Variants in DUOX2 observed in about 807,000 individuals in gnomAD.
The protein encoded by DUOX2 is NADH/NADPH thyroid oxidase p138-tox.
In DUOX2, 185 loss-of-function variants were observed where a neutral mutation model predicts 183.3. That is an observed-to-expected ratio of 1.01 (90% CI 0.90 to 1.14). The LOEUF is 1.14. Among genes scored for constraint, DUOX2 ranks in the 50% most tolerant of loss-of-function variants. The pLI is 0.00. For missense variants in DUOX2, 1,999 were observed against 2,022.9 expected, an observed-to-expected ratio of 0.99 and a Z score of 0.23; for synonymous variants, 788 against 812.4, an observed-to-expected ratio of 0.97 and a Z score of 0.51.
At chr15:45,110,148 C>T (rs554713254) in intron 9 of DUOX2, among the ~76,000 whole-genome samples, 168 bp from the exon 10 acceptor site, 15 of 152,196 alleles carry the variant, frequency 9.9e-5, no homozygotes, top group African/African-American at 3.1e-4. Flanking sequence ...AGATAGAGTG[C>T]GCTCCTAGTC....
chr15:45,107,269 A>T (rs190599), intron 14 of DUOX2, 76 bp downstream of exon 14: 1 of 1,575,116 alleles, frequency 6.3e-7, no homozygotes, highest in Non-Finnish European at 8.7e-7. Context: ...GACAGCACCA[A>T]GTGATTCCCC....
At chr15:45,098,652 G>T (rs945894722) in intron 26 of DUOX2, among the ~76,000 whole-genome samples, 1 of 151,700 alleles carries the variant, frequency 6.6e-6, no homozygotes, top group African/African-American at 2.4e-5. Flanking sequence ...TCCCCCAGGG[G>T]ACTAGCTTAG....
At position 45,094,263 on chromosome 15, in the gene DUOX2, T is replaced by C; in HGVS notation, c.4534A>G (p.Ile1512Val). 6.2e-7 allele frequency: 1 copy of C among 1,614,106 alleles called. No homozygotes were observed. The change falls in exon 34 of 34, where the codon ATC becomes GTC. Residue 1512 changes from isoleucine to valine, a missense_variant. Ile to Val is a conservative substitution (Grantham distance 29). Around this residue, in one of 3 missense-constraint regions of DUOX2, gnomAD observed 1,628 missense variants for 1,608.6 expected, o/e 1.01. Coordinates refer to ENST00000389039, the MANE Select transcript of DUOX2 (RefSeq NM_001363711.2). ...GGAGGGCCGCAGCTGAACACCCCGA[T>C]CTTGCGCACCTGTCAGGAGATTGGA... ...LQEVHPQVRK[I>V]GVFSCGPPGM... is the part of the protein sequence containing the mutation.
At chr15:45,098,239 A>G (rs1893961083) in intron 26 of DUOX2, among the ~76,000 whole-genome samples, 181 bp from the exon 27 acceptor site, 1 of 152,072 alleles carries the variant, frequency 6.6e-6, no homozygotes, top group Non-Finnish European at 1.5e-5. Context: ...CACCCTCTGT[A>G]CTCAGCAATT....
At position 45,095,109 on chromosome 15, in the gene DUOX2, G is replaced by A. The variant is rs755550994; in HGVS notation, c.4240-18C>T. ...AAGTAGATCTGGGGACACAGGGCTG[G>A]AGATCAGGACCCAGCTCAGTTCAGC... On this transcript the variant is annotated intron_variant, in intron 31 of 33. Coordinates refer to ENST00000389039, the MANE Select transcript of DUOX2 (RefSeq NM_001363711.2). 25 of 1,611,482 alleles carry A rather than the reference G, an allele frequency of 1.6e-5. No individual in the cohort carries two copies. Among genetic ancestry groups the A allele is most frequent in the African/African-American group, 6.7e-5 (5 of 74,860 alleles).
intron 3 of DUOX2, 107 bp downstream of exon 3, chr15:45,112,880 G>A: frequency 6.5e-7 from 1 of 1,546,222 alleles, no homozygotes. Flanking sequence ...TGTGTAGGCA[G>A]CGGAGCTGCT....
In DUOX2 at chr15:45,095,064, G is replaced by C. The variant is rs1183633552; in HGVS notation, c.4267C>G (p.Gln1423Glu). 6.2e-7 allele frequency: 1 copy of C among 1,614,048 alleles called. No individual in the cohort carries two copies. Among genetic ancestry groups the C allele is most frequent in the Non-Finnish European group, 8.5e-7 (1 of 1,180,006 alleles). ...TCAGCCAGCCACTCAAACTGACGCT[G>C]GGTCCGTGTCACCCAGATGAAGTAG... ...KIYFIWVTRT[Q>E]RQFEWLADII... The change falls in exon 32 of 34, where the codon CAG becomes GAG. Residue 1423 changes from glutamine to glutamate, a missense_variant. Gln to Glu is a conservative substitution (Grantham distance 29). This residue lies in a region of DUOX2 where 1,628 missense variants were observed against 1,608.6 expected (regional missense o/e 1.01). Transcript: ENST00000389039.
chr15:45,106,986 G>A lies in DUOX2; in HGVS notation c.1694-17C>T. On this transcript the variant is annotated splice_polypyrimidine_tract_variant and intron_variant, in intron 14 of 33. Transcript: ENST00000389039. ...AGGGTGCACCTGAGGGAGAGGGCAG[G>A]GAAGACCTCAAAGTCTGAGGATCCC... The A allele has an allele frequency of 7.7e-6, 12 of 1,568,214 alleles. No homozygotes were observed. The highest frequency in any genetic ancestry group is 1.0e-5 in the Non-Finnish European group (12 of 1,155,910).
rs751383345 is a variant in DUOX2, at chr15:45,106,183, A to C, written c.2090T>G (p.Leu697Arg). 2 of 1,614,136 alleles carry C rather than the reference A, an allele frequency of 1.2e-6. No individual in the cohort carries two copies. The highest frequency in any genetic ancestry group is 1.7e-6 in the Non-Finnish European group (2 of 1,180,048). The change falls in exon 17 of 34, where the codon CTG (leucine) becomes CGG (arginine). Residue 697 changes from leucine to arginine, a missense_variant. This residue lies in a region of DUOX2 where 1,628 missense variants were observed against 1,608.6 expected (regional missense o/e 1.01). Transcript: ENST00000389039. ...LQPLQQVNLI[L>R]SNNRGCRTLL... The stretch of plus-strand genomic sequence containing the variant: ...GGTGCGGCATCCTCGGTTGTTGGAC[A>C]GGATGAGGTTGACCTGCTGCAGAGG...
intron 29 of DUOX2, among the ~76,000 whole-genome samples, chr15:45,096,824 C>T (rs1476407542): frequency 1.3e-5 from 2 of 152,168 alleles, no homozygotes; most frequent in African/African-American, 4.8e-5. Context: ...CCAATCCCGA[C>T]TTTGGCCAGC....
chr15:45,107,128 T>A (rs570764902), intron 14 of DUOX2, among the ~76,000 whole-genome samples, 159 bp from the exon 15 acceptor site: 1 of 152,282 alleles, frequency 6.6e-6, no homozygotes, highest in African/African-American at 2.4e-5. Context: ...TCATTTCCTG[T>A]CTCTTGGCAT....
rs187839681 is a variant in DUOX2 at position 45,105,082 on chromosome 15, A to G, written c.2334+561T>C. On this transcript the variant is annotated intron_variant, in intron 18 of 33. Coordinates refer to ENST00000389039, the MANE Select transcript of DUOX2 (RefSeq NM_001363711.2). ...GTGATCTGCCCGCCTCAGCCTCCCA[A>G]AGTGCTGGGATTATAGGCATGAGCC... Among the ~76,000 whole-genome samples, 609 of 152,272 alleles carry G rather than the reference A, an allele frequency of 4.0e-3. 4 individuals are homozygous for G. The highest frequency in any genetic ancestry group is 0.014 in the African/African-American group (589 of 41,554).
chr15:45,100,079 C>T lies in DUOX2; in HGVS notation c.3155G>A (p.Cys1052Tyr), dbSNP rs76343591. The T allele has an allele frequency of 9.9e-4, 1,603 of 1,614,256 alleles. 5 individuals are homozygous for T. Among genetic ancestry groups the T allele is most frequent in the Non-Finnish European group, 9.3e-4 (1,103 of 1,180,054 alleles). Residue 1052 changes from cysteine (C) to tyrosine (Y), a missense_variant, in exon 24 of 34, where the codon TGT becomes TAT. Transcript: ENST00000389039. ...IVCVAIFSAI[C>Y]VGVFADRAYY... The stretch of plus-strand genomic sequence containing the variant: ...AGCACGATCTGCAAACACGCCAACA[C>T]AGATGGCCGAGAAGATTGCCACACA...
In DUOX2 at chr15:45,097,293, G is replaced by A. The variant is rs141989848; in HGVS notation, c.3792C>T (p.Ser1264=). The change falls in exon 29 of 34, where the codon AGC becomes AGT. Residue 1264 remains serine, a synonymous_variant. Coordinates refer to ENST00000389039, the MANE Select transcript of DUOX2 (RefSeq NM_001363711.2). ...TGATCTCCACCTTCTTCCGGCTCAG[G>A]CTCACCAGCTTGTCACCTCCATAGA... The part of the protein sequence containing the change: ...AIIYGGDKLV[S]LSRKKVEISV... 1.2e-6 allele frequency: 2 copies of A among 1,614,242 alleles called. No individual in the cohort carries two copies. The highest frequency in any genetic ancestry group is 1.1e-5 in the South Asian group (1 of 91,086).
In DUOX2 at chr15:45,108,502, C is replaced by T. The variant is rs1184453140; in HGVS notation, c.1399-280G>A. 6.7e-6 allele frequency: 4 copies of T among 598,716 alleles called. No homozygotes were observed. The African/African-American group carries it at 7.4e-5, about 11-fold the overall frequency. 37.1% of individuals were successfully genotyped at this position (598,716 alleles called of 1,614,324 possible). A position where few individuals can be genotyped will look rare whatever the true frequency, so the allele number is the denominator to read the frequency against. On this transcript the variant is annotated intron_variant, in intron 12 of 33. Transcript: ENST00000389039. The stretch of plus-strand genomic sequence containing the variant: ...ATTAGCAGCTTCAGGGGCACACAGC[C>T]CTTGGGGTGGGACCCTGCAGCAACA...
At chr15:45,109,243 G>T (rs930161952) in intron 11 of DUOX2, 2 of 596,006 alleles carry the variant, frequency 3.4e-6, no homozygotes, top group African/African-American at 3.7e-5. Context: ...AGGGCTGAAT[G>T]AAAACCTTTA....
At chr15:45,105,331 C>T (rs998902807) in intron 18 of DUOX2, among the ~76,000 whole-genome samples, 1 of 152,230 alleles carries the variant, frequency 6.6e-6, no homozygotes, top group Non-Finnish European at 1.5e-5. Flanking sequence ...CTGATGCTCT[C>T]GGGTCCAGAG....
In DUOX2 at chr15:45,095,069, C is replaced by T. The variant is rs138680550; in HGVS notation, c.4262G>A (p.Arg1421Gln). 4.3e-6 allele frequency: 7 copies of T among 1,613,886 alleles called. No homozygotes were observed. The highest frequency in any genetic ancestry group is 4.5e-5 in the East Asian group (2 of 44,882). Residue 1421 changes from arginine (R) to glutamine (Q), a missense_variant, in exon 32 of 34, where the codon CGG becomes CAG. This residue lies in a region of DUOX2 where 1,628 missense variants were observed against 1,608.6 expected (regional missense o/e 1.01). Coordinates refer to ENST00000389039, the MANE Select transcript of DUOX2 (RefSeq NM_001363711.2). ...CAGCCACTCAAACTGACGCTGGGTC[C>T]GTGTCACCCAGATGAAGTAGATCTG... Reference protein sequence around the residue: ...CKKIYFIWVTRTQRQFEWLAD... With the variant: ...CKKIYFIWVTQTQRQFEWLAD...
rs1435340439 is a variant in DUOX2 at position 45,094,985 on chromosome 15, A to G, written c.4346T>C (p.Ile1449Thr). 1 of 1,613,978 alleles carries G rather than the reference A, an allele frequency of 6.2e-7. No individual in the cohort carries two copies. Among genetic ancestry groups the G allele is most frequent in the Non-Finnish European group, 8.5e-7 (1 of 1,179,948 alleles). ...CTTCTCAGCCAGCTGGGTGACATAA[A>G]TGTGCACAGACACCAGGTCCTGGTG... ...NDHQDLVSVH[I>T]YVTQLAEKFD... The change falls in exon 32 of 34, where the codon ATT becomes ACT. Residue 1449 changes from isoleucine to threonine, a missense_variant. Ile to Thr is a moderately conservative substitution (Grantham distance 89). Coordinates refer to ENST00000389039, the MANE Select transcript of DUOX2 (RefSeq NM_001363711.2).
Sources: gnomAD v4.1 joint callset for allele counts (sites outside exome capture counted in the v4.1 genomes callset) on GRCh38, gnomAD v4.1.1 for gene constraint, gnomAD v4.1.1 regional missense constraint, MANE v1.5 for transcripts, NCBI Gene and HGNC (gene_info 2026-07-23, HGNC 2026-07-21) for gene names.